Variants in CNOT2 observed in about 807,000 individuals in gnomAD.
CNOT2 encodes the protein CCR4-NOT transcription complex subunit 2, also known as CC chemokine receptor 4-negative regulator of transcription 2.
A neutral mutation model predicts 72.1 loss-of-function variants in CNOT2; 7 were observed. The ratio of observed to expected loss-of-function variants is 0.10; its 90% CI spans 0.06 to 0.18. The LOEUF is 0.18. Among genes scored for constraint, CNOT2 ranks in the 10% least tolerant of loss-of-function variants. The pLI is 1.00. For synonymous variants in CNOT2, 196 were observed against 225.6 expected, an observed-to-expected ratio of 0.87 and a Z score of 1.17; for missense variants, 345 against 660.3, an observed-to-expected ratio of 0.52 and a Z score of 5.23.
intron 1 of CNOT2, among the ~76,000 whole-genome samples, chr12:70,274,048 A>C (rs551049908): frequency 1.3e-5 from 2 of 152,264 alleles, no homozygotes; most frequent in African/African-American, 4.8e-5. Context: ...ATATTACTAA[A>C]ATACTCAGAG....
chr12:70,245,210 T>C (rs1164841510), intron 1 of CNOT2, among the ~76,000 whole-genome samples: 1 of 152,200 alleles, frequency 6.6e-6, no homozygotes, highest in African/African-American at 2.4e-5. Flanking sequence ...TTGAATTTGT[T>C]TAGTTTGTAG....
intron 15 of CNOT2, 160 bp downstream of exon 15, chr12:70,346,484 T>G (rs1593289529): frequency 1.9e-6 from 1 of 525,590 alleles, no homozygotes; most frequent in Non-Finnish European, 3.3e-6. Context: ...CTTAGAAGAG[T>G]GTCCCAAAAC....
At chr12:70,317,546 G>A (rs1382575273) in intron 3 of CNOT2, among the ~76,000 whole-genome samples, 1 of 151,184 alleles carries the variant, frequency 6.6e-6, no homozygotes, top group East Asian at 1.9e-4. Context: ...ATAGATAAAG[G>A]ATGTTAGTTT....
chr12:70,265,327 T>TCTCGTCTCGTC (rs200497693), intron 1 of CNOT2, among the ~76,000 whole-genome samples: 2 of 129,188 alleles, frequency 1.5e-5, no homozygotes, highest in Non-Finnish European at 3.4e-5. Context: ...TCTCTTCTCT[T>TCTCGTCTCGTC]TCTTTCTTTT....
In CNOT2 at chr12:70,265,321, T is replaced by G. The variant is rs77177557; in HGVS notation, c.-95-12811T>G. ...TTCTCTTCTCTTCTCTTCTCTTCTC[T>G]TCTCTTTCTTTCTTTTTTCTTTCTT... On this transcript the variant is annotated intron_variant, in intron 1 of 15. Transcript: ENST00000229195. 3.7e-3 allele frequency among the ~76,000 whole-genome samples: 548 copies of G among 146,724 alleles called. 1 individual carries two copies. Among genetic ancestry groups the G allele is most frequent in the South Asian group, 7.7e-3 (36 of 4,668 alleles).
Position 70,342,140 on chromosome 12 carries a change from A to T in CNOT2, c.1212A>T (p.Ala404=), listed in dbSNP as rs113483661. ...ACCCCAAATTTGCGTCACCCTGGGCATCTTCACCTTGTCGACCTCAAGACA... is the reference window on the plus strand; with the variant it reads ...ACCCCAAATTTGCGTCACCCTGGGCTTCTTCACCTTGTCGACCTCAAGACA... The part of the protein sequence containing the change: ...NLYPKFASPW[A]SSPCRPQDID... Residue 404 remains alanine, a synonymous_variant, in exon 12 of 16, where the codon GCA becomes GCT. Coordinates refer to ENST00000229195, the MANE Select transcript of CNOT2 (RefSeq NM_014515.7). 4.3e-6 allele frequency: 7 copies of T among 1,611,478 alleles called. No homozygotes were observed. In the African/African-American group the frequency reaches 6.7e-5, roughly 15 times the overall value.
chr12:70,298,729 G>A (rs886168040), intron 2 of CNOT2, among the ~76,000 whole-genome samples: 4 of 152,100 alleles, frequency 2.6e-5, no homozygotes, highest in African/African-American at 7.2e-5. Flanking sequence ...TGCAAAGACC[G>A]GGACATGGAA....
chr12:70,284,760 T>A (rs1484565259), intron 2 of CNOT2, among the ~76,000 whole-genome samples: 1 of 152,176 alleles, frequency 6.6e-6, no homozygotes, highest in Non-Finnish European at 1.5e-5. Context: ...TTTATTATCA[T>A]CTGAAATCAT....
At chr12:70,292,978 AG>A (rs1037853033) in intron 2 of CNOT2, among the ~76,000 whole-genome samples, 72 of 152,302 alleles carry the variant, frequency 4.7e-4, no homozygotes, top group African/African-American at 1.6e-3. Context: ...TAAAATGTAA[AG>A]GTTTTAAAAT....
intron 2 of CNOT2, among the ~76,000 whole-genome samples, chr12:70,308,412 CATCT>C (rs1298328701): frequency 6.6e-6 from 1 of 152,018 alleles, no homozygotes. Context: ...TCCCTCCCTC[CATCT>C]GTCTTTCTCT....
intron 4 of CNOT2, among the ~76,000 whole-genome samples, chr12:70,324,936 C>T (rs924752264): frequency 6.6e-6 from 1 of 151,864 alleles, no homozygotes; most frequent in African/African-American, 2.4e-5. Context: ...CATATACTAT[C>T]TTCTGTCTCC....
At position 70,315,066 on chromosome 12, in the gene CNOT2, G is replaced by C. The variant is rs1376647999; in HGVS notation, c.171+4049G>C. ...TTTAGTAGAAACGGGGTTTCTCCTT[G>C]TTGGTCAGGCCGGTCACGAACTCCT... On this transcript the variant is annotated intron_variant, in intron 3 of 15. Transcript: ENST00000229195. Among the ~76,000 whole-genome samples the C allele has an allele frequency of 2.0e-5, 3 of 152,190 alleles. No individual in the cohort carries two copies. In the East Asian group the frequency reaches 5.8e-4, roughly 29 times the overall value.
rs1016463619 is a variant in CNOT2 at position 70,338,070 on chromosome 12, T to C, written c.901-373T>C. 18 of 219,994 alleles carry C rather than the reference T, an allele frequency of 8.2e-5. No individual in the cohort carries two copies. In the South Asian group the frequency reaches 1.1e-3, roughly 13 times the overall value. 13.6% of individuals were successfully genotyped at this position (219,994 alleles called of 1,614,324 possible). A position where few individuals can be genotyped will look rare whatever the true frequency, so the allele number is the denominator to read the frequency against. ...CTTATCTTCAAGGTAGCTTTGGTGATTTTAGGTAATATACTATATTTAGTT... is the reference window on the plus strand; with the variant it reads ...CTTATCTTCAAGGTAGCTTTGGTGACTTTAGGTAATATACTATATTTAGTT... On this transcript the variant is annotated intron_variant, in intron 9 of 15. Transcript: ENST00000229195.
chr12:70,330,263 T>A, intron 5 of CNOT2, 24 bp from the exon 6 acceptor site: 1 of 1,226,472 alleles, frequency 8.2e-7, no homozygotes, highest in Non-Finnish European at 1.2e-6. Flanking sequence ...AGAGCTTATT[T>A]AGTATAATGG....
intron 2 of CNOT2, among the ~76,000 whole-genome samples, chr12:70,287,026 T>C (rs1313205921): frequency 1.3e-5 from 2 of 152,068 alleles, no homozygotes; most frequent in Non-Finnish European, 2.9e-5. Context: ...CTAAACTTTT[T>C]AATTTTTATA....
At chr12:70,327,260 CGAT>C (rs1174222137) in intron 4 of CNOT2, among the ~76,000 whole-genome samples, 2 of 150,838 alleles carry the variant, frequency 1.3e-5, no homozygotes, top group Admixed American at 6.6e-5. Context: ...ATAGGTATGA[CGAT>C]GAGAGAGAAA....
rs530923600 is a variant in CNOT2 at position 70,287,294 on chromosome 12, T to C, written c.48+9020T>C. Among the ~76,000 whole-genome samples, 14 of 149,838 alleles carry C rather than the reference T, an allele frequency of 9.3e-5. 2 individuals carry two copies. The South Asian group carries it at 2.6e-3, about 28-fold the overall frequency. On this transcript the variant is annotated intron_variant, in intron 2 of 15. Transcript: ENST00000229195. ...CCCCTTATTTGGTCAGACTTACTAG[T>C]GATTCGTCAGTTTTACTAGGGGTCA...
intron 1 of CNOT2, among the ~76,000 whole-genome samples, chr12:70,256,715 A>G (rs955797843): frequency 2.0e-5 from 3 of 152,136 alleles, no homozygotes; most frequent in Admixed American, 2.0e-4. Context: ...TGAGGCAAAC[A>G]TTGCCATTTC....
At chr12:70,294,221 T>C (rs1872454986) in intron 2 of CNOT2, 1 of 1,289,352 alleles carries the variant, frequency 7.8e-7, no homozygotes. Flanking sequence ...CTCCAACCTT[T>C]CCTTCTTCAC....
Sources: gnomAD v4.1 joint callset for allele counts (sites outside exome capture counted in the v4.1 genomes callset) on GRCh38, gnomAD v4.1.1 for gene constraint, MANE v1.5 for transcripts, NCBI Gene and HGNC (gene_info 2026-07-23, HGNC 2026-07-21) for gene names.